Variants in OPCML observed in about 807,000 individuals in gnomAD.
The protein encoded by OPCML is opioid binding protein/cell adhesion molecule like.
Under a neutral mutation model 37.8 loss-of-function variants are expected in OPCML, and 13 were observed. The ratio of observed to expected loss-of-function variants is 0.34; its 90% CI spans 0.22 to 0.55. The LOEUF is 0.55. Among genes scored for constraint, OPCML ranks in the 20% least tolerant of loss-of-function variants. The pLI is 0.91. For missense variants in OPCML, 341 were observed against 435.6 expected, an observed-to-expected ratio of 0.78 and a Z score of 1.93; for synonymous variants, 176 against 168.8, an observed-to-expected ratio of 1.04 and a Z score of -0.33.
At chr11:133,317,223 A>T (rs567349547) in intron 1 of OPCML, among the ~76,000 whole-genome samples, 1 of 152,302 alleles carries the variant, frequency 6.6e-6, no homozygotes, top group South Asian at 2.1e-4. Flanking sequence ...ATAAAGTAAA[A>T]TAAAATGTAA....
In OPCML at chr11:132,517,613, G is replaced by A. The variant is rs1437832199; in HGVS notation, c.505+11448C>T. 3.3e-5 allele frequency among the ~76,000 whole-genome samples: 5 copies of A among 152,180 alleles called. No individual in the cohort carries two copies. The South Asian group carries it at 6.2e-4, about 19-fold the overall frequency. ...TAGATCTACAGAACTTGTAAAGTCG[G>A]TCTCAATTTTATCAGTGTCTGACTG... On this transcript the variant is annotated intron_variant, in intron 4 of 7. Coordinates refer to ENST00000524381, the MANE Select transcript of OPCML (RefSeq NM_001012393.5).
chr11:132,940,202 C>A (rs1945531315), intron 2 of OPCML, among the ~76,000 whole-genome samples: 1 of 152,178 alleles, frequency 6.6e-6, no homozygotes, highest in Non-Finnish European at 1.5e-5. Context: ...CTTCTCTGAG[C>A]TGTGCAGTTT....
At position 132,808,245 on chromosome 11, in the gene OPCML, C is replaced by T. The variant is rs150719210; in HGVS notation, c.146+134681G>A. Among the ~76,000 whole-genome samples the T allele has an allele frequency of 1.1e-4, 17 of 152,280 alleles. No individual in the cohort carries two copies. In the East Asian group the frequency reaches 2.9e-3, roughly 26 times the overall value. The stretch of plus-strand genomic sequence containing the variant: ...AGGCAATGTAATAAAGCTCCGACTG[C>T]GGGATGTTGAGACACTATAGCACGG... On this transcript the variant is annotated intron_variant, in intron 2 of 7. Coordinates refer to ENST00000524381, the MANE Select transcript of OPCML (RefSeq NM_001012393.5).
chr11:132,636,281 C>A (rs1347948017), intron 3 of OPCML, among the ~76,000 whole-genome samples: 2 of 152,150 alleles, frequency 1.3e-5, no homozygotes, highest in Non-Finnish European at 2.9e-5. Flanking sequence ...TTAGTAAAGT[C>A]ACGTGCAGAA....
At chr11:133,311,836 CTA>C (rs1943074008) in intron 1 of OPCML, among the ~76,000 whole-genome samples, 1 of 152,138 alleles carries the variant, frequency 6.6e-6, no homozygotes, top group African/African-American at 2.4e-5. Flanking sequence ...AGGAGACAAG[CTA>C]TGAGGACAGT....
intron 3 of OPCML, among the ~76,000 whole-genome samples, chr11:132,531,365 A>G (rs181190948): frequency 6.6e-6 from 1 of 152,326 alleles, no homozygotes; most frequent in East Asian, 1.9e-4. Flanking sequence ...ATTTATTTGT[A>G]CTGCCAATTT....
chr11:132,760,394 C>T (rs149812111), intron 2 of OPCML, among the ~76,000 whole-genome samples: 9 of 152,016 alleles, frequency 5.9e-5, no homozygotes, highest in South Asian at 2.1e-4. Flanking sequence ...TATTGACAGT[C>T]GAGTGTTAAA....
rs1001376025 is a variant in OPCML, at chr11:133,101,470, C to T, written c.62-158460G>A. 5.3e-5 allele frequency among the ~76,000 whole-genome samples: 8 copies of T among 152,058 alleles called. No individual in the cohort carries two copies. In the East Asian group the frequency reaches 1.5e-3, roughly 29 times the overall value. On this transcript the variant is annotated intron_variant, in intron 1 of 7. Coordinates refer to ENST00000524381, the MANE Select transcript of OPCML (RefSeq NM_001012393.5). ...ATATAACAACCTGATTTAAAAATTGCACAGCATCATCATATGCCATTAGGA... is the reference window on the plus strand; with the variant it reads ...ATATAACAACCTGATTTAAAAATTGTACAGCATCATCATATGCCATTAGGA...
intron 2 of OPCML, among the ~76,000 whole-genome samples, chr11:132,663,427 T>C (rs1942073699): frequency 6.6e-6 from 1 of 152,234 alleles, no homozygotes; most frequent in African/African-American, 2.4e-5. Context: ...CCATGGGCTC[T>C]TTATGTATAT....
chr11:132,444,366 ACCT>A (rs1451517502), intron 4 of OPCML, among the ~76,000 whole-genome samples: 1 of 152,062 alleles, frequency 6.6e-6, no homozygotes, highest in Non-Finnish European at 1.5e-5. Context: ...TCCATCACAT[ACCT>A]CCTGATGTGA....
At chr11:133,081,115 CCTG>C (rs1326508458) in intron 1 of OPCML, among the ~76,000 whole-genome samples, 1 of 152,198 alleles carries the variant, frequency 6.6e-6, no homozygotes, top group Non-Finnish European at 1.5e-5. Context: ...GTAGGACACT[CCTG>C]CAGCATCCCA....
intron 1 of OPCML, among the ~76,000 whole-genome samples, chr11:133,029,568 A>G (rs1181062988): frequency 6.6e-6 from 1 of 152,212 alleles, no homozygotes; most frequent in African/African-American, 2.4e-5. Flanking sequence ...TGTTCTTTGC[A>G]GCAACATGGA....
rs114240809 is a variant in OPCML, at chr11:132,550,389, C to G, written c.380-21203G>C. Reference sequence around the variant, plus strand: ...CCTCATGATAGTGAGTGAGTTCTCACGAGATCTGGTTGTACAAAAGTGTGT... The same window carrying G: ...CCTCATGATAGTGAGTGAGTTCTCAGGAGATCTGGTTGTACAAAAGTGTGT... On this transcript the variant is annotated intron_variant, in intron 3 of 7. Coordinates refer to ENST00000524381, the MANE Select transcript of OPCML (RefSeq NM_001012393.5). Among the ~76,000 whole-genome samples, 537 of 152,222 alleles carry G rather than the reference C, an allele frequency of 3.5e-3. 1 individual carries two copies. Among genetic ancestry groups the G allele is most frequent in the Middle Eastern group, 0.02 (6 of 294 alleles).
intron 2 of OPCML, among the ~76,000 whole-genome samples, chr11:132,803,373 G>C (rs903355639): frequency 2.6e-5 from 4 of 152,120 alleles, no homozygotes; most frequent in African/African-American, 9.7e-5. Context: ...TCTTTTGGTG[G>C]CACATTTTAT....
intron 1 of OPCML, among the ~76,000 whole-genome samples, chr11:132,995,397 A>G (rs1946863050): frequency 1.3e-5 from 2 of 152,020 alleles, no homozygotes; most frequent in South Asian, 4.2e-4. Context: ...GGATGTGGAA[A>G]GTTGGAATTG....
intron 3 of OPCML, among the ~76,000 whole-genome samples, chr11:132,653,361 T>G (rs1941533047): frequency 1.3e-5 from 2 of 152,306 alleles, no homozygotes; most frequent in Admixed American, 6.5e-5. Flanking sequence ...TTAGCGGGGA[T>G]GGGAGTCACT....
At chr11:133,209,310 T>C (rs2136337167) in intron 1 of OPCML, among the ~76,000 whole-genome samples, 1 of 152,278 alleles carries the variant, frequency 6.6e-6, no homozygotes, top group South Asian at 2.1e-4. Flanking sequence ...GAATGGAAGA[T>C]TATAGAACCA....
intron 1 of OPCML, among the ~76,000 whole-genome samples, chr11:133,332,818 T>C (rs1329079447): frequency 6.6e-6 from 1 of 152,126 alleles, no homozygotes; most frequent in Admixed American, 6.5e-5. Flanking sequence ...TTGATCATGG[T>C]GGATTTGCTT....
intron 2 of OPCML, among the ~76,000 whole-genome samples, chr11:132,723,219 T>C (rs1269087568): frequency 1.3e-5 from 2 of 152,228 alleles, no homozygotes; most frequent in East Asian, 1.9e-4. Flanking sequence ...AGATTTAAGA[T>C]ACCCATTTAC....
Sources: allele counts gnomAD v4.1 joint callset (sites outside exome capture counted in the v4.1 genomes callset), GRCh38; gene constraint gnomAD v4.1.1; transcripts MANE v1.5; gene names NCBI Gene and HGNC (gene_info 2026-07-23, HGNC 2026-07-21).